Variants in TRAT1 observed in about 807,000 individuals in gnomAD.
TRAT1 encodes T cell receptor associated transmembrane adaptor 1.
TRAT1 carries 20 observed loss-of-function variants against 20.0 expected under a neutral mutation model. The observed-to-expected ratio is 1.00, with a 90% CI of 0.70 to 1.45. TRAT1 has a LOEUF of 1.45. Ranked by LOEUF, TRAT1 falls within the 40% of genes most tolerant of loss-of-function variation. The probability of loss-of-function intolerance (pLI) is 0.00; values close to 1 mark genes in which losing one functional copy is unlikely to be tolerated. For synonymous variants in TRAT1, 77 were observed against 74.2 expected (o/e 1.04, Z -0.20); for missense variants, 237 against 224.1 (o/e 1.06, Z -0.37).
At chr3:108,836,200 G>C (rs867409132) in intron 2 of TRAT1, among the ~76,000 whole-genome samples, 1 of 152,144 alleles carries the variant, frequency 6.6e-6, no homozygotes, top group African/African-American at 2.4e-5. Context: ...TTACAGGCAT[G>C]AGCCACCGTG....
chr3:108,842,704 G>A (rs1369910765), intron 3 of TRAT1, among the ~76,000 whole-genome samples: 2 of 152,162 alleles, frequency 1.3e-5, no homozygotes, highest in Non-Finnish European at 1.5e-5. Context: ...TGGATTCTCC[G>A]TCATTTTAGA....
intron 5 of TRAT1, among the ~76,000 whole-genome samples, chr3:108,850,797 A>G (rs566196280): frequency 2.6e-5 from 4 of 152,356 alleles, no homozygotes; most frequent in Middle Eastern, 6.8e-3. Flanking sequence ...AAAATACATT[A>G]TCTGAAGTGT....
rs1426153944 is a variant in TRAT1 at position 108,853,399 on chromosome 3, G to A, written c.304-221G>A. ...AGTATAATAAAGAAATAAAAATCTAGGAAAAAGTTTCATCTAAGCACTTTT... is the reference window on the plus strand; with the variant it reads ...AGTATAATAAAGAAATAAAAATCTAAGAAAAAGTTTCATCTAAGCACTTTT... On this transcript the variant is annotated intron_variant, in intron 5 of 5. Transcript: ENST00000295756. 2.0e-5 allele frequency among the ~76,000 whole-genome samples: 3 copies of A among 152,088 alleles called. No individual in the cohort carries two copies. The East Asian group carries it at 5.8e-4, about 29-fold the overall frequency.
intron 1 of TRAT1, 105 bp downstream of exon 1, chr3:108,823,039 A>T (rs1035487675): frequency 7.1e-6 from 7 of 982,016 alleles, no homozygotes; most frequent in African/African-American, 1.6e-5. Context: ...TAGTTATTTT[A>T]AAAATGTTGG....
intron 3 of TRAT1, among the ~76,000 whole-genome samples, chr3:108,844,742 G>A (rs971124802): frequency 4.7e-5 from 7 of 149,718 alleles, no homozygotes; most frequent in Non-Finnish European, 3.0e-5. Flanking sequence ...TACTCGGGAG[G>A]CTGAGGCAGC....
chr3:108,829,989 G>A, intron 1 of TRAT1, among the ~76,000 whole-genome samples: 1 of 152,144 alleles, frequency 6.6e-6, no homozygotes, highest in East Asian at 1.9e-4. Flanking sequence ...ATTGTTACAG[G>A]AGATGACCTC....
intron 1 of TRAT1, among the ~76,000 whole-genome samples, chr3:108,826,302 A>G (rs1038275209): frequency 6.6e-6 from 1 of 151,838 alleles, no homozygotes; most frequent in African/African-American, 2.4e-5. Flanking sequence ...TAATATTACT[A>G]TTTTCTCTTT....
At position 108,852,781 on chromosome 3, in the gene TRAT1, A is replaced by G. The variant is rs1163896062; in HGVS notation, c.304-839A>G. On this transcript the variant is annotated intron_variant, in intron 5 of 5. Coordinates refer to ENST00000295756, the MANE Select transcript of TRAT1 (RefSeq NM_016388.4). ...TATGATGATTTGCATTTTCTAGGCA[A>G]GAAAATTGAGGTTCAGAATATTTTT... 2.0e-5 allele frequency among the ~76,000 whole-genome samples: 3 copies of G among 152,254 alleles called. No homozygotes were observed. The East Asian group carries it at 5.8e-4, about 29-fold the overall frequency.
chr3:108,853,576 A>G, intron 5 of TRAT1, 44 bp from the exon 6 acceptor site: 1 of 1,582,708 alleles, frequency 6.3e-7, no homozygotes, highest in Non-Finnish European at 8.6e-7. Flanking sequence ...AAGTCAAGCT[A>G]AAGAACAGAC....
At chr3:108,829,532 C>G (rs530502351) in intron 1 of TRAT1, among the ~76,000 whole-genome samples, 1 of 150,944 alleles carries the variant, frequency 6.6e-6, no homozygotes, top group African/African-American at 2.4e-5. Flanking sequence ...TGTAGTGAGC[C>G]GAGATCGTGC....
chr3:108,846,112 C>T (rs930647351), intron 3 of TRAT1, among the ~76,000 whole-genome samples: 5 of 152,188 alleles, frequency 3.3e-5, no homozygotes, highest in Admixed American at 6.5e-5. Flanking sequence ...ATAACTTCCT[C>T]ATGATGTGGA....
chr3:108,852,950 C>A (rs1237354861), intron 5 of TRAT1, among the ~76,000 whole-genome samples: 1 of 152,126 alleles, frequency 6.6e-6, no homozygotes, highest in Non-Finnish European at 1.5e-5. Flanking sequence ...TAGTATTGAC[C>A]CAGGTCTAGT....
At chr3:108,828,828 G>A (rs1241153460) in intron 1 of TRAT1, among the ~76,000 whole-genome samples, 2 of 152,172 alleles carry the variant, frequency 1.3e-5, no homozygotes, top group Non-Finnish European at 2.9e-5. Flanking sequence ...ATGCTTTAAT[G>A]GTCGGCGAGA....
intron 2 of TRAT1, among the ~76,000 whole-genome samples, chr3:108,832,541 C>G (rs922165955): frequency 6.6e-6 from 1 of 152,094 alleles, no homozygotes; most frequent in Non-Finnish European, 1.5e-5. Context: ...GCTATTTTAA[C>G]TTCTTTATTA....
At chr3:108,828,253 A>T (rs1359582532) in intron 1 of TRAT1, among the ~76,000 whole-genome samples, 1 of 152,204 alleles carries the variant, frequency 6.6e-6, no homozygotes, top group African/African-American at 2.4e-5. Flanking sequence ...CTAAGTAGAA[A>T]GGAGATCGAT....
chr3:108,842,848 A>G (rs75745384), intron 3 of TRAT1, among the ~76,000 whole-genome samples: 5,356 of 152,324 alleles, frequency 0.035, 300 homozygotes, highest in African/African-American at 0.12. Context: ...AAATGAGCAT[A>G]TTAGAGAGGC....
chr3:108,830,840 G>A, intron 2 of TRAT1, 60 bp downstream of exon 2: 2 of 1,083,968 alleles, frequency 1.8e-6, no homozygotes, highest in South Asian at 1.3e-5. Context: ...TGGAGTCACT[G>A]GAAAACCTAT....
At chr3:108,846,594 C>G (rs1409280242) in intron 3 of TRAT1, among the ~76,000 whole-genome samples, 1 of 152,162 alleles carries the variant, frequency 6.6e-6, no homozygotes, top group East Asian at 1.9e-4. Flanking sequence ...AGTAAAGAGG[C>G]AGTACATTGT....
At chr3:108,850,725 G>A (rs756629470) in intron 5 of TRAT1, among the ~76,000 whole-genome samples, 2 of 152,162 alleles carry the variant, frequency 1.3e-5, no homozygotes, top group Non-Finnish European at 2.9e-5. Flanking sequence ...TGGAAAACCT[G>A]CATGATATAA....
Sources: gnomAD v4.1 joint callset for allele counts (sites outside exome capture counted in the v4.1 genomes callset) on GRCh38, gnomAD v4.1.1 for gene constraint, MANE v1.5 for transcripts, NCBI Gene and HGNC (gene_info 2026-07-23, HGNC 2026-07-21) for gene names.